The following CRPPA variants were observed in gnomAD, a reference collection of about 807,000 sequenced individuals.
The protein encoded by CRPPA is D-ribitol-5-phosphate cytidylyltransferase.
CRPPA carries 43 observed loss-of-function variants against 52.0 expected under a neutral mutation model. The observed-to-expected ratio is 0.83, with a 90% CI of 0.65 to 1.07. The LOEUF (loss-of-function observed/expected upper bound fraction) is 1.07, where lower values mean the gene tolerates loss of function less well. Ranked by LOEUF, CRPPA falls within the 50% of genes least tolerant of loss-of-function variation. The pLI is 0.00. For missense variants in CRPPA, 629 were observed against 551.7 expected, an observed-to-expected ratio of 1.14 and a Z score of -1.40; for synonymous variants, 250 against 203.5, an observed-to-expected ratio of 1.23 and a Z score of -1.94.
At chr7:16,347,444 T>C (rs889898070) in intron 3 of CRPPA, among the ~76,000 whole-genome samples, 1 of 152,126 alleles carries the variant, frequency 6.6e-6, no homozygotes, top group Non-Finnish European at 1.5e-5. Flanking sequence ...AAGATCCACT[T>C]TACCCAGGTG....
In CRPPA at chr7:16,364,016, A is replaced by C. The variant is rs117369513; in HGVS notation, c.684+12076T>G. 5.1e-3 allele frequency among the ~76,000 whole-genome samples: 783 copies of C among 152,318 alleles called. 4 individuals carry two copies. Among genetic ancestry groups the C allele is most frequent in the Admixed American group, 8.6e-3 (131 of 15,298 alleles). On this transcript the variant is annotated intron_variant, in intron 3 of 9. Coordinates refer to ENST00000407010, the MANE Select transcript of CRPPA (RefSeq NM_001101426.4). ...TAAAAAATCCTTCAAAGAATGTAAC[A>C]GATCTGAATGAATTATACTATCTTC... is the stretch of plus-strand genomic sequence containing the variant.
intron 9 of CRPPA, among the ~76,000 whole-genome samples, chr7:16,182,094 G>C (rs547431415): frequency 1.3e-5 from 2 of 151,834 alleles, no homozygotes; most frequent in African/African-American, 2.4e-5. Context: ...TATGTAATAC[G>C]TAGTCTGCAT....
At chr7:16,414,339 C>T (rs1788138838) in intron 1 of CRPPA, among the ~76,000 whole-genome samples, 1 of 145,378 alleles carries the variant, frequency 6.9e-6, no homozygotes, top group African/African-American at 2.6e-5. Context: ...GGTTGACCAC[C>T]CCCCTACCCC....
intron 2 of CRPPA, among the ~76,000 whole-genome samples, chr7:16,391,325 C>A (rs1035712283): frequency 1.3e-4 from 20 of 152,126 alleles, no homozygotes; most frequent in Non-Finnish European, 2.5e-4. Context: ...CAGTCCCTGT[C>A]AACTTCAAAG....
chr7:16,286,364 C>G (rs1469552564), intron 5 of CRPPA, among the ~76,000 whole-genome samples: 3 of 151,604 alleles, frequency 2.0e-5, no homozygotes, highest in Non-Finnish European at 4.4e-5. Flanking sequence ...TTGGACTTAC[C>G]AGCCTCCATA....
chr7:16,089,484 CGGGT>C lies in CRPPA; in HGVS notation c.*2207_*2210del. The C allele has an allele frequency of 3.3e-6, 1 of 299,196 alleles. No homozygotes were observed. Among genetic ancestry groups the C allele is most frequent in the Admixed American group, 3.0e-5 (1 of 33,446 alleles). 18.5% of individuals were successfully genotyped at this position (299,196 alleles called of 1,614,324 possible). ...GTGTATATATGTACGTACATATATA[CGGGT>C]ATATATGTACGTACATACATAGATA... On this transcript the variant is annotated 3_prime_UTR_variant, in exon 10 of 10. Transcript: ENST00000407010.
At chr7:16,217,625 C>T (rs1266200229) in intron 8 of CRPPA, among the ~76,000 whole-genome samples, 3 of 146,258 alleles carry the variant, frequency 2.1e-5, no homozygotes, top group Non-Finnish European at 4.5e-5. Context: ...AGCCAAGGCT[C>T]GAGAACTACG....
chr7:16,395,832 TC>T (rs1787554880), intron 2 of CRPPA, among the ~76,000 whole-genome samples: 1 of 152,212 alleles, frequency 6.6e-6, no homozygotes, highest in South Asian at 2.1e-4. Flanking sequence ...CCTACCCTTT[TC>T]CCAACTTCCT....
At chr7:16,141,305 T>A in intron 9 of CRPPA, among the ~76,000 whole-genome samples, 1 of 152,144 alleles carries the variant, frequency 6.6e-6, no homozygotes, top group Non-Finnish European at 1.5e-5. Context: ...GAAAACTAGG[T>A]TTTAATATAC....
At chr7:16,265,240 C>T (rs1783923343) in intron 6 of CRPPA, among the ~76,000 whole-genome samples, 1 of 152,138 alleles carries the variant, frequency 6.6e-6, no homozygotes, top group South Asian at 2.1e-4. Flanking sequence ...GACTTAAACC[C>T]TAGCTAGCTG....
At chr7:16,173,269 G>A (rs1440207242) in intron 9 of CRPPA, among the ~76,000 whole-genome samples, 1 of 152,136 alleles carries the variant, frequency 6.6e-6, no homozygotes. Flanking sequence ...CCCTTCTAGG[G>A]AATATGCTAA....
intron 8 of CRPPA, among the ~76,000 whole-genome samples, chr7:16,254,118 G>T (rs1783542702): frequency 6.6e-6 from 1 of 152,136 alleles, no homozygotes; most frequent in African/African-American, 2.4e-5. Context: ...GGAGAAATAG[G>T]AACACTTTTA....
chr7:16,370,140 C>T (rs1290051964), intron 3 of CRPPA, among the ~76,000 whole-genome samples: 1 of 152,174 alleles, frequency 6.6e-6, no homozygotes, highest in Non-Finnish European at 1.5e-5. Flanking sequence ...AGCCAATGAA[C>T]TCAGGGAGGG....
intron 9 of CRPPA, among the ~76,000 whole-genome samples, chr7:16,136,027 T>C (rs1782756191): frequency 1.3e-5 from 2 of 152,170 alleles, no homozygotes; most frequent in South Asian, 2.1e-4. Flanking sequence ...AATTGGCTTC[T>C]ATTCTGTCTC....
chr7:16,308,028 G>A (rs1200352256), intron 4 of CRPPA, among the ~76,000 whole-genome samples: 1 of 152,056 alleles, frequency 6.6e-6, no homozygotes, highest in African/African-American at 2.4e-5. Flanking sequence ...GGAGGTGACT[G>A]GATCGTGGGG....
intron 5 of CRPPA, among the ~76,000 whole-genome samples, chr7:16,286,692 A>G (rs1784458164): frequency 6.6e-6 from 1 of 152,194 alleles, no homozygotes; most frequent in Non-Finnish European, 1.5e-5. Context: ...TAGGAAAAGG[A>G]ATGCACAGGC....
chr7:16,089,161 AATACATATATACGTACGTAT>A lies in CRPPA; in HGVS notation c.*2514_*2533del. On this transcript the variant is annotated 3_prime_UTR_variant, in exon 10 of 10. Transcript: ENST00000407010. ...AAAATACATATACATAAAACATAAA[AATACATATATACGTACGTAT>A]ATACATATATGTGTGTATATACGTA... The A allele has an allele frequency of 3.7e-6, 1 of 273,472 alleles. No individual in the cohort carries two copies. The highest frequency in any genetic ancestry group is 8.2e-6 in the Non-Finnish European group (1 of 122,048). 16.9% of individuals were successfully genotyped at this position (273,472 alleles called of 1,614,324 possible).
At chr7:16,172,830 A>C (rs1781218893) in intron 9 of CRPPA, among the ~76,000 whole-genome samples, 1 of 152,178 alleles carries the variant, frequency 6.6e-6, no homozygotes, top group Admixed American at 6.5e-5. Flanking sequence ...TTTAAGTATC[A>C]AGAAGCCATC....
intron 1 of CRPPA, among the ~76,000 whole-genome samples, chr7:16,420,096 G>A (rs540286596): frequency 1.3e-5 from 2 of 152,174 alleles, no homozygotes; most frequent in South Asian, 4.2e-4. Context: ...CTCCTTTCTG[G>A]GGAACGTGCC....
Sources: gnomAD v4.1 joint callset for allele counts (sites outside exome capture counted in the v4.1 genomes callset) on GRCh38, gnomAD v4.1.1 for gene constraint, MANE v1.5 for transcripts, NCBI Gene and HGNC (gene_info 2026-07-23, HGNC 2026-07-21) for gene names.